JAG1: variants seen among roughly 807,000 people sequenced by gnomAD.
JAG1 encodes jagged canonical Notch ligand 1, also known as protein jagged-1.
A neutral mutation model predicts 148.7 loss-of-function variants in JAG1; 23 were observed. That is an observed-to-expected ratio of 0.15 (90% CI 0.11 to 0.22). JAG1 has a LOEUF of 0.22. Among genes scored for constraint, JAG1 ranks in the 10% least tolerant of loss-of-function variants. The probability of loss-of-function intolerance (pLI) is 1.00; values close to 1 mark genes in which losing one functional copy is unlikely to be tolerated. For synonymous variants in JAG1, 572 were observed against 598.3 expected (o/e 0.96, Z 0.64); for missense variants, 1,054 against 1,611.2 (o/e 0.65, Z 5.92).
At chr20:10,646,434 C>T in intron 14 of JAG1, 1 of 373,652 alleles carries the variant, frequency 2.7e-6, no homozygotes, top group Non-Finnish European at 5.1e-6. Flanking sequence ...AAATTGAACA[C>T]GACCTCAGTC....
Position 10,646,871 on chromosome 20 carries a change from CA to C in JAG1, c.1885+67del, listed in dbSNP as rs1239979541. 6 of 1,490,180 alleles carry C rather than the reference CA, an allele frequency of 4.0e-6. No homozygotes were observed. The East Asian group carries it at 1.1e-4, about 28-fold the overall frequency. 92.3% of individuals were successfully genotyped at this position (1,490,180 alleles called of 1,614,324 possible). ...CAACACCAATGATCCCAGGGTGGGC[CA>C]GGGGCAGAGGCAGGGGCAGGGGCAG... On this transcript the variant is annotated intron_variant, in intron 14 of 25. Transcript: ENST00000254958.
intron 3 of JAG1, 62 bp from the exon 4 acceptor site, chr20:10,658,784 T>C (rs1163207651): frequency 6.3e-7 from 1 of 1,597,532 alleles, no homozygotes. Flanking sequence ...CTGACCATTT[T>C]GGCTTTTTAA....
chr20:10,652,103 G>C (rs759923984), intron 7 of JAG1, 28 bp downstream of exon 7: 11 of 1,612,846 alleles, frequency 6.8e-6, no homozygotes, highest in Non-Finnish European at 9.3e-6. Flanking sequence ...ATTAGACAAA[G>C]GGCTCTCATT....
rs1408201355 is a variant in JAG1, at chr20:10,664,080, C to T, written c.388-66G>A. 1.1e-5 allele frequency: 14 copies of T among 1,304,222 alleles called. No individual in the cohort carries two copies. In the African/African-American group the frequency reaches 1.5e-4, roughly 14 times the overall value. The allele number at this position is 1,304,222 out of a possible 1,614,324, so 80.8% of individuals were successfully genotyped here. ...TCGACTTTCCAAAATCTCGTACATT[C>T]TTGGCCTCCCAGAATACCCCACCAA... is the stretch of plus-strand genomic sequence containing the variant. On this transcript the variant is annotated intron_variant, in intron 2 of 25. Coordinates refer to ENST00000254958, the MANE Select transcript of JAG1 (RefSeq NM_000214.3).
In JAG1 at chr20:10,658,719, G is replaced by T. The variant is rs1291966223; in HGVS notation, c.443C>A (p.Pro148His). 6.2e-7 allele frequency: 1 copy of T among 1,614,136 alleles called. No homozygotes were observed. ...AGAAGCCTTTTCAATAATACTGTCA[G>T]GTTCTAGAGACAAAGTGATGAATCA... ...AWDSSNDTVQ[P>H]DSIIEKASHS... The change falls in exon 4 of 26, where the codon CCT becomes CAT. Residue 148 changes from proline (P) to histidine (H), a missense_variant. Physicochemically the swap from Pro to His is moderately conservative, Grantham distance 77. Coordinates refer to ENST00000254958, the MANE Select transcript of JAG1 (RefSeq NM_000214.3).
At chr20:10,643,083 C>T (rs1248249485) in intron 20 of JAG1, among the ~76,000 whole-genome samples, 1 of 152,224 alleles carries the variant, frequency 6.6e-6, no homozygotes, top group Non-Finnish European at 1.5e-5. Context: ...CCACAGTTTG[C>T]CAACTGTTTA....
chr20:10,658,315 T>A (rs1258500225), intron 4 of JAG1, among the ~76,000 whole-genome samples, 153 bp downstream of exon 4: 1 of 151,990 alleles, frequency 6.6e-6, no homozygotes, highest in African/African-American at 2.4e-5. Flanking sequence ...CAACAGCATC[T>A]TCTACACTCC....
At chr20:10,654,965 C>T (rs1443298866) in intron 5 of JAG1, among the ~76,000 whole-genome samples, 1 of 152,206 alleles carries the variant, frequency 6.6e-6, no homozygotes, top group African/African-American at 2.4e-5. Context: ...GGACTTTCTC[C>T]AGAACACCCT....
chr20:10,658,076 T>G (rs113935578), intron 4 of JAG1, among the ~76,000 whole-genome samples: 1 of 152,132 alleles, frequency 6.6e-6, no homozygotes, highest in Admixed American at 6.5e-5. Context: ...GATTTCAGCC[T>G]AATCCCAGGG....
At chr20:10,669,674 G>A (rs937559162) in intron 2 of JAG1, among the ~76,000 whole-genome samples, 12 of 144,600 alleles carry the variant, frequency 8.3e-5, no homozygotes, top group Admixed American at 2.2e-4. Context: ...TTCCCCTAAC[G>A]TTTCTCTAGA....
chr20:10,652,404 G>T, intron 6 of JAG1, 64 bp downstream of exon 6: 1 of 1,607,924 alleles, frequency 6.2e-7, no homozygotes, highest in Non-Finnish European at 8.5e-7. Flanking sequence ...AATAAAATTA[G>T]AAACCAAATT....
At chr20:10,643,930 C>T in intron 19 of JAG1, 67 bp from the exon 20 acceptor site, 1 of 1,158,896 alleles carries the variant, frequency 8.6e-7, no homozygotes, top group South Asian at 1.3e-5. Flanking sequence ...CAATCACTCA[C>T]ATGTCACCAC....
chr20:10,644,316 GAT>G, intron 19 of JAG1, 39 bp downstream of exon 19: 1 of 1,088,266 alleles, frequency 9.2e-7, no homozygotes, highest in Non-Finnish European at 1.3e-6. Flanking sequence ...ACACACACAC[GAT>G]AGTGGATGAG....
intron 8 of JAG1, chr20:10,650,765 G>A: frequency 3.9e-6 from 1 of 258,448 alleles, no homozygotes; most frequent in Non-Finnish European, 7.6e-6. Context: ...TGCTTACAGA[G>A]TTTGCCCAAA....
At chr20:10,642,458 C>T in intron 21 of JAG1, 30 bp downstream of exon 21, 1 of 1,328,266 alleles carries the variant, frequency 7.5e-7, no homozygotes, top group Non-Finnish European at 1.1e-6. Context: ...CCCAGAAGAC[C>T]CATGGGCAGC....
In JAG1 at chr20:10,645,742, T is replaced by C. The variant is rs2067304440; in HGVS notation, c.1999+229A>G. 1 of 617,230 alleles carries C rather than the reference T, an allele frequency of 1.6e-6. No homozygotes were observed. The highest frequency in any genetic ancestry group is 2.9e-6 in the Non-Finnish European group (1 of 349,476). 38.2% of individuals were successfully genotyped at this position (617,230 alleles called of 1,614,324 possible). A position where few individuals can be genotyped will look rare whatever the true frequency, so the allele number is the denominator to read the frequency against. On this transcript the variant is annotated intron_variant, in intron 15 of 25. Transcript: ENST00000254958. This position sits in a 1 kb window ranked among gnomAD's most constrained non-coding sequence, Gnocchi z 6.1. ...ATGACTTTCCTTGCAAGCAGGAATA[T>C]TTATTACACAGTCTAATTCTATAGG...
At chr20:10,642,040 C>T in intron 21 of JAG1, 148 bp from the exon 22 acceptor site, 1 of 714,858 alleles carries the variant, frequency 1.4e-6, no homozygotes, top group Admixed American at 2.0e-5. Context: ...GTACTTCCTG[C>T]CTTTGCTGGC....
chr20:10,672,161 G>A (rs1263948108), intron 2 of JAG1, among the ~76,000 whole-genome samples: 1 of 152,090 alleles, frequency 6.6e-6, no homozygotes, highest in African/African-American at 2.4e-5. Flanking sequence ...CGAACCTGGA[G>A]AGCGCCCCCG....
At position 10,639,183 on chromosome 20, in the gene JAG1, C is replaced by T; in HGVS notation, c.*315G>A. On this transcript the variant is annotated 3_prime_UTR_variant, in exon 26 of 26. Transcript: ENST00000254958. ...ATCTAAGACTGCATCACCATTAGGA[C>T]ATCTGGCAGAAGTGGGAGCTCAAAG... 2 of 427,898 alleles carry T rather than the reference C, an allele frequency of 4.7e-6. No homozygotes were observed. The highest frequency in any genetic ancestry group is 4.3e-5 in the South Asian group (2 of 46,384). 26.5% of individuals were successfully genotyped at this position (427,898 alleles called of 1,614,324 possible). A position where few individuals can be genotyped will look rare whatever the true frequency, so the allele number is the denominator to read the frequency against.
Sources: gnomAD v4.1 joint callset for allele counts (sites outside exome capture counted in the v4.1 genomes callset) on GRCh38, gnomAD v4.1.1 for gene constraint, Gnocchi (gnomAD v3.1) non-coding constraint, MANE v1.5 for transcripts, NCBI Gene and HGNC (gene_info 2026-07-23, HGNC 2026-07-21) for gene names.